The following ADGRV1 variants were observed in gnomAD, a reference collection of about 807,000 sequenced individuals.
ADGRV1 encodes adhesion G protein-coupled receptor V1.
In ADGRV1, 359 loss-of-function variants were observed where a neutral mutation model predicts 596.2. That is an observed-to-expected ratio of 0.60 (90% CI 0.55 to 0.66). The LOEUF is 0.66. ADGRV1 is among the 30% of genes least tolerant of loss of function. The pLI is 0.00. For missense variants in ADGRV1, 7,274 were observed against 7,575.6 expected (o/e 0.96, Z 1.48); for synonymous variants, 2,681 against 2,679.2 (o/e 1.00, Z -0.02).
At position 90,692,690 on chromosome 5, in the gene ADGRV1, A is replaced by G; in HGVS notation, c.7037A>G (p.Asp2346Gly). 6.2e-7 allele frequency: 1 copy of G among 1,610,944 alleles called. No individual in the cohort carries two copies. Among genetic ancestry groups the G allele is most frequent in the Non-Finnish European group, 8.5e-7 (1 of 1,178,518 alleles). Residue 2346 changes from aspartate to glycine, a missense_variant, in exon 32 of 90, where the codon GAT becomes GGT. By Grantham distance (94) the Asp-to-Gly change is moderately conservative. Coordinates refer to ENST00000405460, the MANE Select transcript of ADGRV1 (RefSeq NM_032119.4). Reference sequence around the variant, plus strand: ...GCAAATATTATTATTCCTGCCAATGATGATCCTTATGGTACAGTAGCCTTT... The same window carrying G: ...GCAAATATTATTATTCCTGCCAATGGTGATCCTTATGGTACAGTAGCCTTT... Reference protein sequence around the residue: ...RIANIIIPANDDPYGTVAFAQ... With the variant: ...RIANIIIPANGDPYGTVAFAQ...
intron 69 of ADGRV1, among the ~76,000 whole-genome samples, chr5:90,790,162 C>G (rs906090961): frequency 1.3e-5 from 2 of 152,162 alleles, no homozygotes; most frequent in African/African-American, 4.8e-5. Context: ...ACTTAAGCCT[C>G]TCAATGATTT....
intron 87 of ADGRV1, among the ~76,000 whole-genome samples, chr5:91,144,392 A>G (rs2126863465): frequency 6.6e-6 from 1 of 152,260 alleles, no homozygotes; most frequent in East Asian, 1.9e-4. Flanking sequence ...TGCAGCCTCA[A>G]CCTCTTGGGC....
chr5:90,969,931 C>T (rs1401916117), intron 84 of ADGRV1, among the ~76,000 whole-genome samples: 2 of 152,228 alleles, frequency 1.3e-5, no homozygotes, highest in Non-Finnish European at 2.9e-5. Context: ...CGAGGCATCG[C>T]CTCACCAGGG....
chr5:90,975,367 T>C (rs1214687359), intron 84 of ADGRV1, among the ~76,000 whole-genome samples: 1 of 152,094 alleles, frequency 6.6e-6, no homozygotes, highest in Non-Finnish European at 1.5e-5. Flanking sequence ...ACCCAAAGGA[T>C]TATAAATCAT....
intron 85 of ADGRV1, among the ~76,000 whole-genome samples, chr5:91,054,060 T>C (rs1786591188): frequency 6.7e-6 from 1 of 148,488 alleles, no homozygotes; most frequent in Admixed American, 6.8e-5. Flanking sequence ...TTTCAACTAC[T>C]CTGTGTGTGT....
chr5:90,923,285 G>A (rs1160197189), intron 83 of ADGRV1, among the ~76,000 whole-genome samples: 1 of 152,032 alleles, frequency 6.6e-6, no homozygotes, highest in Non-Finnish European at 1.5e-5. Flanking sequence ...CTAGCCTAAT[G>A]TATATAAAGG....
intron 70 of ADGRV1, chr5:90,792,056 T>C (rs751028491): frequency 4.6e-5 from 7 of 152,238 alleles, no homozygotes; most frequent in Non-Finnish European, 1.0e-4. Flanking sequence ...GGATGCATTA[T>C]GGCATTGGGA....
At position 90,870,787 on chromosome 5, in the gene ADGRV1, G is replaced by T. The variant is rs564364595; in HGVS notation, c.17856+6930G>T. On this transcript the variant is annotated intron_variant, in intron 83 of 89. Transcript: ENST00000405460. ...CCTGGGGCTGCCACACAAGGGGCAGGTCTCCCCCATCTCCTCCACTAATAT... is the reference window on the plus strand; with the variant it reads ...CCTGGGGCTGCCACACAAGGGGCAGTTCTCCCCCATCTCCTCCACTAATAT... Among the ~76,000 whole-genome samples, 195 of 152,280 alleles carry T rather than the reference G, an allele frequency of 1.3e-3. 1 individual carries two copies. The highest frequency in any genetic ancestry group is 4.5e-3 in the African/African-American group (189 of 41,562).
At chr5:90,626,932 T>C (rs1764834911) in intron 6 of ADGRV1, among the ~76,000 whole-genome samples, 1 of 152,154 alleles carries the variant, frequency 6.6e-6, no homozygotes, top group Non-Finnish European at 1.5e-5. Context: ...ATCTTTGGAG[T>C]TATCTAAGGA....
At chr5:90,857,946 AAC>A (rs1302760856) in intron 82 of ADGRV1, among the ~76,000 whole-genome samples, 3 of 152,142 alleles carry the variant, frequency 2.0e-5, no homozygotes, top group Non-Finnish European at 4.4e-5. Flanking sequence ...TTTTTAAAAA[AAC>A]AGAGTAGATC....
chr5:91,151,648 A>G (rs539250592), intron 88 of ADGRV1, among the ~76,000 whole-genome samples: 2 of 152,356 alleles, frequency 1.3e-5, no homozygotes, highest in Non-Finnish European at 2.9e-5. Flanking sequence ...ATTTGTTTAC[A>G]TCTGAACTGT....
In ADGRV1 at chr5:90,840,958, C is replaced by T; in HGVS notation, c.16992C>T (p.Leu5664=). ...KVATENTDEQ[L]SAMMHLIEKI... ...CCACAGAAAACACAGATGAACAACT[C>T]AGTGCCATGATGCATTTAATAGAAA... is the stretch of plus-strand genomic sequence containing the variant. Residue 5664 remains leucine, a synonymous_variant, in exon 78 of 90, where the codon CTC becomes CTT. Transcript: ENST00000405460. 4 of 1,450,494 alleles carry T rather than the reference C, an allele frequency of 2.8e-6. No homozygotes were observed. The highest frequency in any genetic ancestry group is 3.6e-6 in the Non-Finnish European group (4 of 1,096,864). The allele number at this position is 1,450,494 out of a possible 1,614,324, so 89.9% of individuals were successfully genotyped here.
intron 21 of ADGRV1, among the ~76,000 whole-genome samples, chr5:90,665,301 G>A (rs1194374280): frequency 1.3e-5 from 2 of 151,992 alleles, no homozygotes; most frequent in Non-Finnish European, 2.9e-5. Flanking sequence ...ACCTGTTATT[G>A]GTCTATTCAG....
At chr5:90,960,137 C>CAAAAAAAA (rs35383493) in intron 83 of ADGRV1, among the ~76,000 whole-genome samples, 2 of 104,010 alleles carry the variant, frequency 1.9e-5, no homozygotes, top group African/African-American at 3.6e-5. Context: ...AGACTCATCT[C>CAAAAAAAA]AAAAAAAAAA....
intron 75 of ADGRV1, among the ~76,000 whole-genome samples, chr5:90,816,612 C>T (rs1402792044): frequency 1.4e-5 from 2 of 147,510 alleles, no homozygotes; most frequent in Admixed American, 1.4e-4. Flanking sequence ...CTTCCTGTGT[C>T]CATGTGTTCT....
chr5:90,778,660 GA>G (rs1207308957), intron 63 of ADGRV1, 51 bp downstream of exon 63: 9 of 1,388,020 alleles, frequency 6.5e-6, no homozygotes, highest in African/African-American at 2.9e-5. Flanking sequence ...TTTTAGATAT[GA>G]AAATGTTTTC....
rs773626217 is a variant in ADGRV1, at chr5:90,757,116, A to G, written c.11895A>G (p.Glu3965=). The G allele has an allele frequency of 2.4e-5, 38 of 1,613,862 alleles. No individual in the cohort carries two copies. The highest frequency in any genetic ancestry group is 3.1e-5 in the Non-Finnish European group (36 of 1,179,848). ...CATCACCAGACAGTGCTGGCCTGGA[A>G]GACTTTAAACCATCTCATGGGATTC... is the stretch of plus-strand genomic sequence containing the variant. ...WKASPDSAGL[E]DFKPSHGILE... Residue 3965 remains glutamate, a synonymous_variant, in exon 57 of 90, where the codon GAA becomes GAG. Coordinates refer to ENST00000405460, the MANE Select transcript of ADGRV1 (RefSeq NM_032119.4).
At position 90,759,462 on chromosome 5, in the gene ADGRV1, A is replaced by G; in HGVS notation, c.11994A>G (p.Thr3998=). The change falls in exon 58 of 90, where the codon ACA becomes ACG. Residue 3998 remains threonine (T), a synonymous_variant. Transcript: ENST00000405460. ...TIIDDAEFEL[T]ETFNISLISV... is the part of the protein sequence containing the mutation. Reference sequence around the variant, plus strand: ...TTGATGATGCTGAATTTGAATTGACAGAGACGTTCAATATTTCCTTGATCA... The same window carrying G: ...TTGATGATGCTGAATTTGAATTGACGGAGACGTTCAATATTTCCTTGATCA... 1 of 1,598,856 alleles carries G rather than the reference A, an allele frequency of 6.3e-7. No individual in the cohort carries two copies. The highest frequency in any genetic ancestry group is 8.5e-7 in the Non-Finnish European group (1 of 1,171,554).
chr5:90,890,007 A>G (rs1770658129), intron 83 of ADGRV1, among the ~76,000 whole-genome samples: 1 of 152,158 alleles, frequency 6.6e-6, no homozygotes, highest in Non-Finnish European at 1.5e-5. Flanking sequence ...AGTCTGGTTG[A>G]TCAGTCTTGC....
Sources: allele counts gnomAD v4.1 joint callset (sites outside exome capture counted in the v4.1 genomes callset), GRCh38; gene constraint gnomAD v4.1.1; transcripts MANE v1.5; gene names NCBI Gene and HGNC (gene_info 2026-07-23, HGNC 2026-07-21).